NSG2: variants seen among roughly 807,000 people sequenced by gnomAD.
The protein encoded by NSG2 is neuronal vesicle trafficking associated 2.
In NSG2, 4 loss-of-function variants were observed where a neutral mutation model predicts 16.9. The ratio of observed to expected loss-of-function variants is 0.24; its 90% CI spans 0.12 to 0.54. The LOEUF is 0.54. NSG2 is among the 20% of genes least tolerant of loss of function. The probability of loss-of-function intolerance (pLI) is 0.95; values close to 1 mark genes in which losing one functional copy is unlikely to be tolerated. For synonymous variants in NSG2, 98 were observed against 88.7 expected, an observed-to-expected ratio of 1.11 and a Z score of -0.59; for missense variants, 179 against 221.1, an observed-to-expected ratio of 0.81 and a Z score of 1.21.
At chr5:174,084,793 G>A (rs1240497572) in intron 3 of NSG2, among the ~76,000 whole-genome samples, 1 of 152,252 alleles carries the variant, frequency 6.6e-6, no homozygotes, top group Non-Finnish European at 1.5e-5. Flanking sequence ...TGCAGCTGCG[G>A]CAGGCAGATC....
At chr5:174,056,652 T>C (rs1759971596) in intron 2 of NSG2, 1 of 152,228 alleles carries the variant, frequency 6.6e-6, no homozygotes, top group Non-Finnish European at 1.5e-5. Flanking sequence ...GCCAGCCATT[T>C]ATTGTCCTGG....
chr5:174,106,583 C>CTTTT lies in NSG2; in HGVS notation c.325-705_325-702dup, dbSNP rs752375646. On this transcript the variant is annotated intron_variant, in intron 4 of 4. Transcript: ENST00000303177. ...ACATGAATGTTGTTAGGAATGAAGC[C>CTTTT]TTTTTTTTTTTTTTTTTTTTTTTTT... Among the ~76,000 whole-genome samples, 46 of 93,488 alleles carry CTTTT rather than the reference C, an allele frequency of 4.9e-4. 2 individuals are homozygous for CTTTT. The highest frequency in any genetic ancestry group is 1.2e-3 in the African/African-American group (28 of 23,478). 61.3% of individuals were successfully genotyped at this position (93,488 alleles called of 152,430 possible).
At chr5:174,080,509 TTCCCTCTTTCTTTCTTTC>T (rs1395283042) in intron 3 of NSG2, among the ~76,000 whole-genome samples, 3 of 113,196 alleles carry the variant, frequency 2.7e-5, no homozygotes, top group East Asian at 2.0e-4. Context: ...CTTTCTTTCT[TTCCCTCTTTCTTTCTTTC>T]TCTCTCTCTC....
At chr5:174,089,272 C>T (rs558681953) in intron 3 of NSG2, among the ~76,000 whole-genome samples, 3 of 152,174 alleles carry the variant, frequency 2.0e-5, no homozygotes, top group African/African-American at 7.2e-5. Flanking sequence ...AGGGTGGGGT[C>T]CTCAATGAAT....
At chr5:174,100,736 CAG>C (rs1760885747) in intron 3 of NSG2, among the ~76,000 whole-genome samples, 2 of 152,326 alleles carry the variant, frequency 1.3e-5, no homozygotes, top group Middle Eastern at 3.4e-3. Context: ...TTTCTTAACT[CAG>C]GGGACGTTAG....
intron 3 of NSG2, among the ~76,000 whole-genome samples, chr5:174,091,826 G>C (rs1316506505): frequency 1.3e-5 from 2 of 152,178 alleles, no homozygotes; most frequent in African/African-American, 4.8e-5. Flanking sequence ...TAATTGGCTG[G>C]ATAATCCATT....
chr5:174,099,643 C>T (rs1487630247), intron 3 of NSG2, among the ~76,000 whole-genome samples: 2 of 152,144 alleles, frequency 1.3e-5, no homozygotes, highest in Non-Finnish European at 2.9e-5. Flanking sequence ...CCATCACTCA[C>T]ACCCCTTGGG....
intron 3 of NSG2, among the ~76,000 whole-genome samples, chr5:174,075,997 T>C (rs72814779): frequency 1.3e-5 from 2 of 152,358 alleles, no homozygotes; most frequent in Non-Finnish European, 2.9e-5. Context: ...TCATCATTCA[T>C]TCATTCTAAT....
chr5:174,090,453 T>G (rs1020693530), intron 3 of NSG2, among the ~76,000 whole-genome samples: 11 of 152,154 alleles, frequency 7.2e-5, no homozygotes, highest in African/African-American at 2.7e-4. Context: ...CACCCAAGTT[T>G]CAGACTCCAG....
intron 4 of NSG2, among the ~76,000 whole-genome samples, chr5:174,105,332 G>C (rs894332445): frequency 1.1e-4 from 16 of 152,178 alleles, no homozygotes; most frequent in African/African-American, 3.9e-4. Flanking sequence ...CTAGCTGGTT[G>C]ACTCACCTAT....
chr5:174,091,859 C>T (rs747487530), intron 3 of NSG2, among the ~76,000 whole-genome samples: 1 of 152,188 alleles, frequency 6.6e-6, no homozygotes, highest in Non-Finnish European at 1.5e-5. Context: ...ATTTACCCAA[C>T]ATCTGCAAGC....
At chr5:174,100,950 G>A (rs1012372132) in intron 3 of NSG2, among the ~76,000 whole-genome samples, 3 of 152,254 alleles carry the variant, frequency 2.0e-5, no homozygotes, top group Non-Finnish European at 4.4e-5. Context: ...GCCTAGGCAA[G>A]GTTTGGGGTT....
chr5:174,062,866 C>G (rs1760075390), intron 2 of NSG2, among the ~76,000 whole-genome samples: 2 of 152,206 alleles, frequency 1.3e-5, no homozygotes, highest in African/African-American at 4.8e-5. Flanking sequence ...AGTTAATACG[C>G]TTGACTGTTG....
chr5:174,080,108 A>G (rs1291294370), intron 3 of NSG2, among the ~76,000 whole-genome samples: 1 of 152,114 alleles, frequency 6.6e-6, no homozygotes, highest in African/African-American at 2.4e-5. Context: ...CTGCATTTCC[A>G]TATGGGTTTC....
intron 4 of NSG2, among the ~76,000 whole-genome samples, chr5:174,105,100 TA>T (rs1760955584): frequency 6.6e-6 from 1 of 152,240 alleles, no homozygotes; most frequent in African/African-American, 2.4e-5. Context: ...CCTTAAACAT[TA>T]TCTCAATTGA....
intron 2 of NSG2, among the ~76,000 whole-genome samples, chr5:174,049,903 T>C (rs1759862348): frequency 6.6e-6 from 1 of 152,252 alleles, no homozygotes; most frequent in African/African-American, 2.4e-5. Flanking sequence ...CCAAAGGTCC[T>C]CTAAATGCTT....
chr5:174,053,386 T>G (rs562866874), intron 2 of NSG2, among the ~76,000 whole-genome samples: 7 of 152,142 alleles, frequency 4.6e-5, no homozygotes, highest in Admixed American at 4.6e-4. Context: ...GGATGGGGTT[T>G]CACAGGTGGG....
chr5:174,074,072 TCTC>T (rs920695444), intron 3 of NSG2, among the ~76,000 whole-genome samples: 14 of 151,928 alleles, frequency 9.2e-5, no homozygotes, highest in South Asian at 2.1e-4. Context: ...AGGCTACAAA[TCTC>T]CTCCTCTCCC....
rs866458574 is a variant in NSG2, at chr5:174,046,984, A to G, written c.129+100A>G. On this transcript the variant is annotated intron_variant, in intron 2 of 4. Coordinates refer to ENST00000303177, the MANE Select transcript of NSG2 (RefSeq NM_015980.5). Reference sequence around the variant, plus strand: ...ACCCCCCAAATCCTTTCATTCTCTTATCTGCCAAATGTGCTCCCTTTCTTG... The same window carrying G: ...ACCCCCCAAATCCTTTCATTCTCTTGTCTGCCAAATGTGCTCCCTTTCTTG... The G allele has an allele frequency of 5.2e-5, 62 of 1,182,902 alleles. No individual in the cohort carries two copies. The African/African-American group carries it at 7.0e-4, about 13-fold the overall frequency. 73.3% of individuals were successfully genotyped at this position (1,182,902 alleles called of 1,614,324 possible).
Sources: allele counts gnomAD v4.1 joint callset (sites outside exome capture counted in the v4.1 genomes callset), GRCh38; gene constraint gnomAD v4.1.1; transcripts MANE v1.5; gene names NCBI Gene and HGNC (gene_info 2026-07-23, HGNC 2026-07-21).